The following PCDHA1 variants were observed in gnomAD, a reference collection of about 807,000 sequenced individuals.
PCDHA1 encodes the protein protocadherin alpha 1.
PCDHA1 carries 42 observed loss-of-function variants against 61.3 expected under a neutral mutation model. The observed-to-expected ratio is 0.69, with a 90% CI of 0.54 to 0.89. The LOEUF is 0.89. Ranked by LOEUF, PCDHA1 falls within the 40% of genes least tolerant of loss-of-function variation. PCDHA1 has a pLI of 0.00. For synonymous variants in PCDHA1, 610 were observed against 553.8 expected, an observed-to-expected ratio of 1.10 and a Z score of -1.43; for missense variants, 1,256 against 1,235.3, an observed-to-expected ratio of 1.02 and a Z score of -0.25.
At chr5:140,847,137 TA>T (rs1554141666) in intron 1 of PCDHA1, among the ~76,000 whole-genome samples, 1 of 149,712 alleles carries the variant, frequency 6.7e-6, no homozygotes, top group Non-Finnish European at 1.5e-5. Context: ...AAAACCAATG[TA>T]AGAAGATCTC....
chr5:140,796,373 C>T, intron 1 of PCDHA1: 5 of 1,613,160 alleles, frequency 3.1e-6, no homozygotes, highest in Non-Finnish European at 4.2e-6. Flanking sequence ...AACAACCCGC[C>T]GGGCTGCCAC....
At chr5:140,872,573 C>T (rs1400699707) in intron 1 of PCDHA1, among the ~76,000 whole-genome samples, 1 of 152,068 alleles carries the variant, frequency 6.6e-6, no homozygotes, top group African/African-American at 2.4e-5. Flanking sequence ...GCTGCAGTGA[C>T]CTATCATCGT....
intron 1 of PCDHA1, chr5:140,969,131 A>G: frequency 6.2e-7 from 1 of 1,614,138 alleles, no homozygotes; most frequent in South Asian, 1.1e-5. Flanking sequence ...CTCCCTCACC[A>G]AGACCTACTG....
intron 1 of PCDHA1, chr5:140,876,299 A>G: frequency 1.2e-6 from 2 of 1,614,062 alleles, no homozygotes; most frequent in South Asian, 2.2e-5. Context: ...CTTAATGGAG[A>G]AATTTCCTAT....
At chr5:140,987,007 A>T (rs2097221901) in intron 3 of PCDHA1, among the ~76,000 whole-genome samples, 1 of 152,144 alleles carries the variant, frequency 6.6e-6, no homozygotes, top group Non-Finnish European at 1.5e-5. Context: ...TGAGGTCATG[A>T]GTTCGAGACC....
chr5:140,802,012 G>T (rs1762829774), intron 1 of PCDHA1: 2 of 1,614,172 alleles, frequency 1.2e-6, no homozygotes, highest in African/African-American at 2.7e-5. Context: ...TTGGATGAAG[G>T]AGTAAATAAG....
intron 1 of PCDHA1, among the ~76,000 whole-genome samples, chr5:140,951,897 G>A (rs2094651245): frequency 6.6e-6 from 1 of 152,106 alleles, no homozygotes; most frequent in Non-Finnish European, 1.5e-5. Context: ...CTGCCTATGA[G>A]CCTGTAAAAT....
chr5:140,890,452 G>A (rs72800989), intron 1 of PCDHA1, among the ~76,000 whole-genome samples: 2,230 of 151,860 alleles, frequency 0.015, 28 homozygotes, highest in Non-Finnish European at 0.022. Context: ...GATATCTTTA[G>A]GCACAAATAT....
intron 1 of PCDHA1, chr5:140,811,995 A>C (rs1441675805): frequency 2.9e-5 from 3 of 104,506 alleles, no homozygotes; most frequent in Middle Eastern, 5.4e-3. Context: ...TTTATTTTTT[A>C]CTACCATTTT....
intron 1 of PCDHA1, among the ~76,000 whole-genome samples, chr5:140,800,552 T>C (rs1554121157): frequency 6.6e-6 from 1 of 152,206 alleles, no homozygotes; most frequent in Non-Finnish European, 1.5e-5. Flanking sequence ...CTGATTTTTC[T>C]ATAAAATGTA....
At chr5:140,875,947 GA>G in intron 1 of PCDHA1, 1 of 1,614,184 alleles carries the variant, frequency 6.2e-7, no homozygotes, top group Non-Finnish European at 8.5e-7. Context: ...GGGCGCTTCT[GA>G]TGCGGATATC....
intron 1 of PCDHA1, among the ~76,000 whole-genome samples, chr5:140,878,960 A>G (rs1028687741): frequency 6.6e-6 from 1 of 152,322 alleles, no homozygotes; most frequent in African/African-American, 2.4e-5. Context: ...GAAATGTATT[A>G]CCTGGACATT....
intron 1 of PCDHA1, chr5:140,807,209 G>C (rs782421232): frequency 4.3e-6 from 7 of 1,613,838 alleles, no homozygotes; most frequent in Non-Finnish European, 5.9e-6. Context: ...CTGGGGAAGC[G>C]GCCAGGAATC....
At chr5:140,874,492 C>G (rs1289000541) in intron 1 of PCDHA1, among the ~76,000 whole-genome samples, 2 of 152,196 alleles carry the variant, frequency 1.3e-5, no homozygotes, top group Non-Finnish European at 2.9e-5. Context: ...AGGTTGATAT[C>G]AAGTTCACAT....
intron 1 of PCDHA1, chr5:140,870,475 G>A (rs1554164304): frequency 1.2e-6 from 2 of 1,614,096 alleles, no homozygotes; most frequent in Admixed American, 1.7e-5. Context: ...CGCACAGCCC[G>A]AGTACACCGT....
At position 140,968,170 on chromosome 5, in the gene PCDHA1, C is replaced by T. The variant is rs1554230457; in HGVS notation, c.2395-10779C>T. 3 of 1,614,132 alleles carry T rather than the reference C, an allele frequency of 1.9e-6. No homozygotes were observed. In the South Asian group the frequency reaches 3.3e-5, roughly 18 times the overall value. On this transcript the variant is annotated intron_variant, in intron 1 of 3. Transcript: ENST00000504120. ...CTGACATCAATGACAATCCACCAAG[C>T]TTCCTGGAGGACTCCTATTCCATCT...
intron 2 of PCDHA1, among the ~76,000 whole-genome samples, chr5:140,979,246 C>A (rs944063929): frequency 2.0e-5 from 3 of 152,206 alleles, no homozygotes; most frequent in African/African-American, 7.2e-5. Context: ...AAACAGGCTG[C>A]TATGTATTTT....
At chr5:140,882,262 G>GTGTA (rs781901698) in intron 1 of PCDHA1, 2 of 1,605,126 alleles carry the variant, frequency 1.2e-6, no homozygotes, top group Non-Finnish European at 1.7e-6. Context: ...GGTTTTTGGA[G>GTGTA]TGTACCATGC....
rs370196456 is a variant in PCDHA1 at position 140,805,586 on chromosome 5, A to G, written c.2394+16902A>G. On this transcript the variant is annotated intron_variant, in intron 1 of 3. Transcript: ENST00000504120. ...GGAAAGTTTTTAAATGGCTACCATT[A>G]TGTCTTTATATATTAAATTTCTTTA... The G allele has an allele frequency of 3.3e-3, 3,098 of 931,472 alleles. 7 individuals carry two copies. Among genetic ancestry groups the G allele is most frequent in the Non-Finnish European group, 3.6e-3 (2,843 of 780,682 alleles). 57.7% of individuals were successfully genotyped at this position (931,472 alleles called of 1,614,324 possible). A position where few individuals can be genotyped will look rare whatever the true frequency, so the allele number is the denominator to read the frequency against.
Sources: gnomAD v4.1 joint callset for allele counts (sites outside exome capture counted in the v4.1 genomes callset) on GRCh38, gnomAD v4.1.1 for gene constraint, MANE v1.5 for transcripts, NCBI Gene and HGNC (gene_info 2026-07-23, HGNC 2026-07-21) for gene names.